The following SAT1 variants were observed in gnomAD, a reference collection of about 807,000 sequenced individuals.
SAT1 encodes the protein spermidine/spermine N1-acetyltransferase 1, also known as diamine acetyltransferase 1.
A neutral mutation model predicts 14.7 loss-of-function variants in SAT1; 1 was observed. That is an observed-to-expected ratio of 0.07 (90% CI 0.02 to 0.32). SAT1 has a LOEUF of 0.32. Ranked by LOEUF, SAT1 falls within the 10% of genes least tolerant of loss-of-function variation. The pLI is 1.00. For synonymous variants in SAT1, 67 were observed against 46.1 expected (o/e 1.45, Z -1.84); for missense variants, 77 against 129.1 (o/e 0.60, Z 1.96).
intron 3 of SAT1, 53 bp from the exon 4 acceptor site, chrX:23,785,275 A>G (rs1375267377): frequency 1.1e-6 from 1 of 949,881 alleles, no homozygotes; most frequent in Non-Finnish European, 1.5e-6. Context: ...TGCAGCTGCA[A>G]CTTTTATGGA....
In SAT1 at chrX:23,783,828, C is replaced by T. The variant is rs375352696; in HGVS notation, c.147C>T (p.His49=). 63 of 1,209,679 alleles carry T rather than the reference C, an allele frequency of 5.2e-5. No homozygotes were observed. The African/African-American group carries it at 7.2e-4, about 14-fold the overall frequency. The change falls in exon 3 of 6, where the codon CAC becomes CAT. Residue 49 remains histidine, a synonymous_variant. Coordinates refer to ENST00000379270, the MANE Select transcript of SAT1 (RefSeq NM_002970.4). The part of the protein sequence containing the change: ...KDLLEDGFGE[H]PFYHCLVAEV... ...TGCTAGAAGATGGTTTTGGAGAGCA[C>T]CCCTTTTACCACTGCCTGGTTGCAG...
rs1436817480 is a variant in SAT1 at position 23,783,898 on chromosome X, T to C, written c.202+15T>C. 5 of 1,211,669 alleles carry C rather than the reference T, an allele frequency of 4.1e-6. No individual in the cohort carries two copies. The highest frequency in any genetic ancestry group is 2.2e-5 in the Admixed American group (1 of 45,966). On this transcript the variant is annotated intron_variant, in intron 3 of 5. Coordinates refer to ENST00000379270, the MANE Select transcript of SAT1 (RefSeq NM_002970.4). ...GACTCCGGAAGGTAACCCCTCGCCC[T>C]TTCCAGAAGCCAGAGAGACCAAGTG...
chrX:23,783,257 G>A lies in SAT1; in HGVS notation c.-95G>A, dbSNP rs781022086. 1 of 851,512 alleles carries A rather than the reference G, an allele frequency of 1.2e-6. No homozygotes were observed. 70.2% of individuals were successfully genotyped at this position (851,512 alleles called of 1,213,427 possible). On this transcript the variant is annotated 5_prime_UTR_variant, in exon 1 of 6. Coordinates refer to ENST00000379270, the MANE Select transcript of SAT1 (RefSeq NM_002970.4). Reference sequence around the variant, plus strand: ...GTCATGGTGCCAGCCTGACTGAGAAGAGGACGCTCCCGGGAGACGAATGAG... The same window carrying A: ...GTCATGGTGCCAGCCTGACTGAGAAAAGGACGCTCCCGGGAGACGAATGAG...
chrX:23,783,689 A>G lies in SAT1; in HGVS notation c.98A>G (p.Gln33Arg). Residue 33 changes from glutamine to arginine, a missense_variant, in exon 2 of 6, where the codon CAA becomes CGA. Coordinates refer to ENST00000379270, the MANE Select transcript of SAT1 (RefSeq NM_002970.4). ...GCTAAATATGAATACATGGAAGAAC[A>G]AGTAATCTTAACTGAAAAAGGTAAT... ...ELAKYEYMEE[Q>R]VILTEKDLLE... 8.3e-7 allele frequency: 1 copy of G among 1,206,606 alleles called. No homozygotes were observed. Among genetic ancestry groups the G allele is most frequent in the South Asian group, 1.8e-5 (1 of 56,191 alleles).
intron 1 of SAT1, 84 bp from the exon 2 acceptor site, chrX:23,783,574 C>CCCCCCCAAAACAAA: frequency 1.4e-6 from 1 of 718,043 alleles, no homozygotes; most frequent in Non-Finnish European, 2.0e-6. Context: ...CCCGCCCGCC[C>CCCCCCCAAAACAAA]GCCCCATTCC....
chrX:23,784,568 C>CCTT (rs1922642528), intron 3 of SAT1, among the ~76,000 whole-genome samples: 1 of 60,601 alleles, frequency 1.7e-5, no homozygotes, highest in Non-Finnish European at 2.9e-5. Flanking sequence ...TGTCAGATGC[C>CCTT]TTTTTTTTTT....
intron 1 of SAT1, 79 bp from the exon 2 acceptor site, chrX:23,783,579 C>CCAAAACAT: frequency 2.6e-6 from 2 of 770,316 alleles, no homozygotes; most frequent in Non-Finnish European, 3.7e-6. Flanking sequence ...CCGCCCGCCC[C>CCAAAACAT]ATTCCGTTCC....
chrX:23,784,600 GTTGA>G (rs1325776278), intron 3 of SAT1, among the ~76,000 whole-genome samples: 1 of 67,588 alleles, frequency 1.5e-5, no homozygotes, highest in Non-Finnish European at 2.6e-5. Flanking sequence ...GCTGGTCCCT[GTTGA>G]TTGGTCAGAA....
chrX:23,785,028 C>G (rs1403833179), intron 3 of SAT1: 1 of 311,755 alleles, frequency 3.2e-6, no homozygotes, highest in Non-Finnish European at 5.6e-6. Flanking sequence ...GTAATGAAAG[C>G]GTTCTCGCTT....
intron 3 of SAT1, 98 bp downstream of exon 3, chrX:23,783,981 T>G: frequency 5.0e-6 from 6 of 1,194,758 alleles, no homozygotes; most frequent in Non-Finnish European, 6.8e-6. Context: ...CCGAAGTTAC[T>G]GAGAACTTGG....
At chrX:23,783,465 C>T (rs769137466) in intron 1 of SAT1, 48 bp downstream of exon 1, 4 of 1,115,929 alleles carry the variant, frequency 3.6e-6, no homozygotes, top group Admixed American at 2.3e-5. Flanking sequence ...GGAGGTGGCT[C>T]CGTTTCCCAG....
chrX:23,784,086 G>GT, intron 3 of SAT1: 4 of 1,103,186 alleles, frequency 3.6e-6, no homozygotes, highest in Non-Finnish European at 3.6e-6. Context: ...TAAAAGAGCT[G>GT]TTTAAGTAAG....
chrX:23,783,637 C>T, intron 1 of SAT1, 21 bp from the exon 2 acceptor site: 1 of 1,103,510 alleles, frequency 9.1e-7, no homozygotes, highest in Non-Finnish European at 1.2e-6. Context: ...ACTTTTTTCT[C>T]TCCTATGTGC....
chrX:23,783,548 C>T, intron 1 of SAT1, 110 bp from the exon 2 acceptor site: 1 of 943,241 alleles, frequency 1.1e-6, no homozygotes, highest in Non-Finnish European at 1.4e-6. Flanking sequence ...GCGCCCATCC[C>T]CGGCTCGGCC....
chrX:23,785,306 T>C (rs1310726729), intron 3 of SAT1, 22 bp from the exon 4 acceptor site: 1 of 1,100,785 alleles, frequency 9.1e-7, no homozygotes, highest in South Asian at 1.8e-5. Flanking sequence ...TCTCCACATC[T>C]CATGTGATGC....
intron 3 of SAT1, chrX:23,784,708 T>A (rs1922651701): frequency 9.2e-6 from 1 of 108,291 alleles, no homozygotes; most frequent in African/African-American, 3.4e-5. Context: ...AAACAAGGGA[T>A]GAGTACTTTT....
intron 3 of SAT1, 137 bp downstream of exon 3, chrX:23,784,020 A>G (rs1922617112): frequency 8.7e-7 from 1 of 1,145,236 alleles, no homozygotes; most frequent in African/African-American, 1.8e-5. Context: ...AAGTGTTCAA[A>G]CTACTGAGGA....
At chrX:23,785,206 A>AG in intron 3 of SAT1, 122 bp from the exon 4 acceptor site, 1 of 535,487 alleles carries the variant, frequency 1.9e-6, no homozygotes, top group East Asian at 3.3e-5. Flanking sequence ...AGCCATGGCT[A>AG]CTTGTTTCTG....
chrX:23,785,465 G>C, intron 4 of SAT1, 36 bp downstream of exon 4: 1 of 1,160,967 alleles, frequency 8.6e-7, no homozygotes, highest in Non-Finnish European at 1.2e-6. Context: ...TCTGAAGAGA[G>C]TTCAGAGTTA....
Sources: gnomAD v4.1 joint callset for allele counts (sites outside exome capture counted in the v4.1 genomes callset) on GRCh38, gnomAD v4.1.1 for gene constraint, MANE v1.5 for transcripts, NCBI Gene and HGNC (gene_info 2026-07-23, HGNC 2026-07-21) for gene names.